ADGRL2: variants seen among roughly 807,000 people sequenced by gnomAD.
The protein encoded by ADGRL2 is calcium-independent alpha-latrotoxin receptor 2.
A neutral mutation model predicts 157.4 loss-of-function variants in ADGRL2; 44 were observed. The observed-to-expected ratio is 0.28, with a 90% CI of 0.22 to 0.36. The LOEUF (loss-of-function observed/expected upper bound fraction) is 0.36, where lower values mean the gene tolerates loss of function less well. Ranked by LOEUF, ADGRL2 falls within the 10% of genes least tolerant of loss-of-function variation. The pLI, the probability that ADGRL2 is intolerant of heterozygous loss-of-function variation, is 1.00. For synonymous variants in ADGRL2, 585 were observed against 624.7 expected (o/e 0.94, Z 0.95); for missense variants, 1,510 against 1,768.9 (o/e 0.85, Z 2.63).
intron 2 of ADGRL2, among the ~76,000 whole-genome samples, chr1:81,478,506 G>T (rs565880889): frequency 6.6e-6 from 1 of 152,308 alleles, no homozygotes; most frequent in Admixed American, 6.5e-5. Context: ...AGTGCAGCTG[G>T]TGCTGGCACT....
chr1:81,897,611 G>A (rs997249925), intron 2 of ADGRL2, among the ~76,000 whole-genome samples: 3 of 152,122 alleles, frequency 2.0e-5, no homozygotes, highest in East Asian at 3.9e-4. Flanking sequence ...ATGTCAAAAG[G>A]CTTTTCAGAA....
intron 2 of ADGRL2, among the ~76,000 whole-genome samples, chr1:81,766,453 A>G (rs974996199): frequency 3.5e-4 from 53 of 152,328 alleles, no homozygotes; most frequent in African/African-American, 1.3e-3. Flanking sequence ...GAATTGTATT[A>G]CATAGTTTAG....
intron 3 of ADGRL2, among the ~76,000 whole-genome samples, chr1:81,687,943 A>G (rs2083262322): frequency 6.6e-6 from 1 of 152,164 alleles, no homozygotes; most frequent in Non-Finnish European, 1.5e-5. Flanking sequence ...GTTTTGCTGG[A>G]TACAAAATTT....
intron 2 of ADGRL2, among the ~76,000 whole-genome samples, chr1:81,456,542 T>G (rs950453498): frequency 1.3e-5 from 2 of 152,146 alleles, no homozygotes; most frequent in Non-Finnish European, 2.9e-5. Context: ...CTGATCCCAC[T>G]TTTTATTCAA....
Position 81,391,116 on chromosome 1 carries a change from A to T in ADGRL2, c.-301-53920A>T, listed in dbSNP as rs538202349. Among the ~76,000 whole-genome samples, 7 of 152,418 alleles carry T rather than the reference A, an allele frequency of 4.6e-5. No homozygotes were observed. The South Asian group carries it at 1.4e-3, about 32-fold the overall frequency. The stretch of plus-strand genomic sequence containing the variant: ...CTGTTTGAAGTGTAACAGGCAATCA[A>T]GTTTGTTAACAAATGAGATAAATAA... On this transcript the variant is annotated intron_variant, in intron 1 of 24. Transcript: ENST00000370721.
intron 11 of ADGRL2, among the ~76,000 whole-genome samples, chr1:81,959,096 C>G (rs1296296317): frequency 6.6e-6 from 1 of 151,972 alleles, no homozygotes; most frequent in Non-Finnish European, 1.5e-5. Flanking sequence ...GCCATTTTTC[C>G]AAGTGGTTGT....
chr1:81,900,841 A>G (rs550589181), intron 2 of ADGRL2, among the ~76,000 whole-genome samples: 2 of 152,220 alleles, frequency 1.3e-5, no homozygotes, highest in Admixed American at 6.6e-5. Flanking sequence ...TTTTGTGCAA[A>G]GTCTCTGCCC....
At chr1:81,547,871 A>G (rs1440527819) in intron 2 of ADGRL2, among the ~76,000 whole-genome samples, 3 of 152,214 alleles carry the variant, frequency 2.0e-5, no homozygotes, top group Non-Finnish European at 4.4e-5. Context: ...ACGATTTCAA[A>G]TAATTCTCAT....
chr1:81,736,126 G>C (rs2084891716), intron 1 of ADGRL2, among the ~76,000 whole-genome samples: 1 of 134,642 alleles, frequency 7.4e-6, no homozygotes, highest in Non-Finnish European at 1.5e-5. Context: ...CTGGGCCACA[G>C]AGCAAGACCC....
chr1:81,480,773 G>A (rs2078369165), intron 2 of ADGRL2, among the ~76,000 whole-genome samples: 1 of 152,188 alleles, frequency 6.6e-6, no homozygotes, highest in Non-Finnish European at 1.5e-5. Context: ...TTCCAGATAA[G>A]GAAACTGAAG....
chr1:81,722,802 G>A, intron 1 of ADGRL2: 1 of 724,228 alleles, frequency 1.4e-6, no homozygotes, highest in Non-Finnish European at 2.5e-6. Context: ...CCAGACCACA[G>A]TCAGAAGCTC....
intron 2 of ADGRL2, among the ~76,000 whole-genome samples, chr1:81,856,025 G>A (rs904681034): frequency 6.6e-6 from 1 of 152,120 alleles, no homozygotes; most frequent in Non-Finnish European, 1.5e-5. Flanking sequence ...GGACTTTCTT[G>A]CAGGCATCCA....
intron 15 of ADGRL2, 29 bp downstream of exon 15, chr1:81,969,416 A>G: frequency 6.7e-7 from 1 of 1,487,084 alleles, no homozygotes; most frequent in Non-Finnish European, 9.4e-7. Flanking sequence ...CATTGACCTT[A>G]GATCTCTGAA....
At chr1:81,493,277 T>A (rs9659283) in intron 2 of ADGRL2, among the ~76,000 whole-genome samples, 22,111 of 152,064 alleles carry the variant, frequency 0.15, 2,950 homozygotes, top group African/African-American at 0.36. Flanking sequence ...GCCCTGCATG[T>A]CAGCATGACA....
chr1:81,420,868 G>C (rs1395567761), intron 1 of ADGRL2, among the ~76,000 whole-genome samples: 1 of 152,056 alleles, frequency 6.6e-6, no homozygotes, highest in Non-Finnish European at 1.5e-5. Flanking sequence ...ACATTAAATG[G>C]TAAATCATTA....
rs1157468625 is a variant in ADGRL2 at position 81,531,938 on chromosome 1, G to T, written c.-247-48938G>T. ...CACTAAACCACTGGTCATATACTTAGGTCTAACTGGCATAAAAAATGATTT... is the reference window on the plus strand; with the variant it reads ...CACTAAACCACTGGTCATATACTTATGTCTAACTGGCATAAAAAATGATTT... On this transcript the variant is annotated intron_variant, in intron 2 of 24. Transcript: ENST00000370721. Among the ~76,000 whole-genome samples the T allele has an allele frequency of 6.6e-5, 10 of 152,168 alleles. No individual in the cohort carries two copies. The South Asian group carries it at 1.2e-3, about 19-fold the overall frequency.
At chr1:81,551,247 C>T (rs2080138158) in intron 2 of ADGRL2, among the ~76,000 whole-genome samples, 2 of 152,130 alleles carry the variant, frequency 1.3e-5, no homozygotes, top group South Asian at 4.1e-4. Context: ...ACAGGTTTTT[C>T]CTCTTTTCAA....
intron 3 of ADGRL2, among the ~76,000 whole-genome samples, chr1:81,630,966 G>A (rs150299676): frequency 9.7e-4 from 147 of 152,126 alleles, no homozygotes; most frequent in Non-Finnish European, 1.5e-3. Context: ...ATTAAAATAC[G>A]AAGCTACAAA....
At position 81,993,894 on chromosome 1, in the gene ADGRL2, A is replaced by AAAT. The variant is rs909386271; in HGVS notation, c.*2767_*2769dup. ...GAGACATTCACTCTGTCTTTATTAA[A>AAAT]AATAATAATAATAATAATAAACGTT... On this transcript the variant is annotated 3_prime_UTR_variant, in exon 24 of 24. Transcript: ENST00000686636. 79 of 178,310 alleles carry AAAT rather than the reference A, an allele frequency of 4.4e-4. 1 individual carries two copies. Among genetic ancestry groups the AAAT allele is most frequent in the Admixed American group, 4.3e-3 (70 of 16,150 alleles). The allele number at this position is 178,310 out of a possible 1,614,324, so 11.0% of individuals were successfully genotyped here. A position where few individuals can be genotyped will look rare whatever the true frequency, so the allele number is the denominator to read the frequency against.
Sources: gnomAD v4.1 joint callset for allele counts (sites outside exome capture counted in the v4.1 genomes callset) on GRCh38, gnomAD v4.1.1 for gene constraint, MANE v1.5 for transcripts, NCBI Gene and HGNC (gene_info 2026-07-23, HGNC 2026-07-21) for gene names.